Variants in TMEM106A observed in about 807,000 individuals in gnomAD.
TMEM106A encodes transmembrane protein 106A.
A neutral mutation model predicts 25.1 loss-of-function variants in TMEM106A; 22 were observed. The observed-to-expected ratio is 0.88, with a 90% confidence interval of 0.63 to 1.25. The LOEUF (loss-of-function observed/expected upper bound fraction) is 1.25, where lower values mean the gene tolerates loss of function less well. TMEM106A is among the 50% of genes most tolerant of loss of function. The pLI, the probability that TMEM106A is intolerant of heterozygous loss-of-function variation, is 0.00. For missense variants in TMEM106A, 275 were observed against 318.1 expected (o/e 0.86, Z 1.03); for synonymous variants, 104 against 129.9 (o/e 0.80, Z 1.35).
chr17:43,216,764 C>T (rs765008680), intron 7 of TMEM106A, 24 bp downstream of exon 7: 4 of 1,614,128 alleles, frequency 2.5e-6, no homozygotes, highest in Non-Finnish European at 3.4e-6. Flanking sequence ...GATCTCTTCT[C>T]CCCTAGCCAC....
Position 43,219,723 on chromosome 17 carries a change from ACT to A in TMEM106A, c.*1925_*1926del, listed in dbSNP as rs2057520076. The A allele has an allele frequency of 8.8e-6, 1 of 113,370 alleles. No individual in the cohort carries two copies. The highest frequency in any genetic ancestry group is 3.6e-4 in the South Asian group (1 of 2,770). The allele number at this position is 113,370 out of a possible 1,614,324, so 7.0% of individuals were successfully genotyped here. A position where few individuals can be genotyped will look rare whatever the true frequency, so the allele number is the denominator to read the frequency against. ...CTCCAGCCTGGGCAACAAGGGCGAG[ACT>A]CTGTCTCAAAAAAAAAAAAAAAAAA... is the stretch of plus-strand genomic sequence containing the variant. On this transcript the variant is annotated 3_prime_UTR_variant, in exon 9 of 9. Transcript: ENST00000612339.
chr17:43,213,307 T>TG, intron 3 of TMEM106A, 55 bp downstream of exon 3: 1 of 1,596,956 alleles, frequency 6.3e-7, no homozygotes, highest in Non-Finnish European at 8.6e-7. Flanking sequence ...GTTCTTAGCC[T>TG]GTTGGCCTGG....
chr17:43,216,793 C>T (rs368398145), intron 7 of TMEM106A, 53 bp downstream of exon 7: 1 of 1,604,368 alleles, frequency 6.2e-7, no homozygotes, highest in Non-Finnish European at 8.5e-7. Context: ...CTTAGGGACC[C>T]AATTAATACC....
chr17:43,214,787 C>G (rs1206268608), intron 4 of TMEM106A, among the ~76,000 whole-genome samples: 2 of 151,242 alleles, frequency 1.3e-5, no homozygotes, highest in South Asian at 2.1e-4. Flanking sequence ...TGGCGAAACC[C>G]TGTCTCTACT....
Position 43,217,935 on chromosome 17 carries a change from C to A in TMEM106A, c.*134C>A, listed in dbSNP as rs557185480. The A allele has an allele frequency of 4.6e-5, 60 of 1,314,414 alleles. No individual in the cohort carries two copies. The East Asian group carries it at 1.2e-3, about 27-fold the overall frequency. The allele number at this position is 1,314,414 out of a possible 1,614,324, so 81.4% of individuals were successfully genotyped here. A position where few individuals can be genotyped will look rare whatever the true frequency, so the allele number is the denominator to read the frequency against. On this transcript the variant is annotated 3_prime_UTR_variant, in exon 9 of 9. Transcript: ENST00000612339. ...TGCCTCATCACACCCTTACCTCCCA[C>A]CCCCTCAGCACAGGAAGCTTGCTTT...
intron 5 of TMEM106A, 101 bp from the exon 6 acceptor site, chr17:43,216,348 G>T: frequency 6.7e-7 from 1 of 1,483,786 alleles, no homozygotes; most frequent in East Asian, 2.3e-5. Context: ...GCTTGTCATG[G>T]TAGATGGGGC....
chr17:43,217,116 G>A, intron 7 of TMEM106A, 143 bp from the exon 8 acceptor site: 1 of 827,500 alleles, frequency 1.2e-6, no homozygotes. Context: ...AGGGTGGGAA[G>A]GGGTGGGAGT....
rs2057517096 is a variant in TMEM106A at position 43,219,534 on chromosome 17, GT to G, written c.*1736del. The stretch of plus-strand genomic sequence containing the variant: ...GGATCTCTAGAGCCCAGGAATTCAA[GT>G]TTAACATGAGCAGCAACATTAGCAA... On this transcript the variant is annotated 3_prime_UTR_variant, in exon 9 of 9. Coordinates refer to ENST00000612339, the MANE Select transcript of TMEM106A (RefSeq NM_145041.4). 1 of 151,312 alleles carries G rather than the reference GT, an allele frequency of 6.6e-6. No homozygotes were observed. The highest frequency in any genetic ancestry group is 6.6e-5 in the Admixed American group (1 of 15,148). 9.4% of individuals were successfully genotyped at this position (151,312 alleles called of 1,614,324 possible). A position where few individuals can be genotyped will look rare whatever the true frequency, so the allele number is the denominator to read the frequency against.
intron 3 of TMEM106A, among the ~76,000 whole-genome samples, chr17:43,213,455 C>A (rs1384276721): frequency 6.6e-6 from 1 of 152,206 alleles, no homozygotes; most frequent in Non-Finnish European, 1.5e-5. Context: ...TGGTTGTATT[C>A]TCCAGCCCCT....
At position 43,213,822 on chromosome 17, in the gene TMEM106A, C is replaced by T. The variant is rs1172811987; in HGVS notation, c.212-6C>T. ...TGGCCCTCCCTCTCACCTTCTCTCT[C>T]TCTAGAGCTGGAGAAGCAGTTGGTG... On this transcript the variant is annotated splice_region_variant and splice_polypyrimidine_tract_variant and intron_variant, in intron 3 of 8. Transcript: ENST00000612339. 1.2e-6 allele frequency: 2 copies of T among 1,614,182 alleles called. No individual in the cohort carries two copies. The highest frequency in any genetic ancestry group is 1.7e-5 in the Admixed American group (1 of 60,028).
At position 43,217,133 on chromosome 17, in the gene TMEM106A, T is replaced by C. The variant is rs999132365; in HGVS notation, c.615-126T>C. 2.9e-5 allele frequency: 28 copies of C among 971,132 alleles called. No individual in the cohort carries two copies. In the African/African-American group the frequency reaches 4.2e-4, roughly 14 times the overall value. The allele number at this position is 971,132 out of a possible 1,614,324, so 60.2% of individuals were successfully genotyped here. On this transcript the variant is annotated intron_variant, in intron 7 of 8. Transcript: ENST00000612339. Reference sequence around the variant, plus strand: ...GGTGGGAAGGGGTGGGAGTGACATTTTGGGGGCACCTGATGGAAGGAAAGA... The same window carrying C: ...GGTGGGAAGGGGTGGGAGTGACATTCTGGGGGCACCTGATGGAAGGAAAGA...
At chr17:43,212,923 G>T (rs1345345656) in intron 2 of TMEM106A, 98 bp from the exon 3 acceptor site, 10 of 861,606 alleles carry the variant, frequency 1.2e-5, no homozygotes, top group Non-Finnish European at 1.7e-5. Flanking sequence ...CTTAAACTGT[G>T]GTGAAGCTCC....
chr17:43,215,899 C>T lies in TMEM106A; in HGVS notation c.387C>T (p.Ser129=), dbSNP rs2057480627. Residue 129 remains serine (S), a synonymous_variant, in exon 5 of 9, where the codon TCC becomes TCT. Transcript: ENST00000612339. ...TGCAGCCTGCAGGCCTCAACTCCTC[C>T]ACAGTGGCCTTTGATGAGGCTGATA... is the stretch of plus-strand genomic sequence containing the variant. ...VIVQPAGLNS[S]TVAFDEADIY... is the part of the protein sequence containing the mutation. 6.2e-7 allele frequency: 1 copy of T among 1,614,138 alleles called. No individual in the cohort carries two copies. The highest frequency in any genetic ancestry group is 8.5e-7 in the Non-Finnish European group (1 of 1,180,028).
intron 7 of TMEM106A, chr17:43,217,034 GT>G: frequency 1.6e-6 from 1 of 630,482 alleles, no homozygotes; most frequent in South Asian, 1.9e-5. Context: ...CTGAATGGGG[GT>G]CCAGCATGTG....
rs1567876892 is a variant in TMEM106A at position 43,216,590 on chromosome 17, G to A, written c.570+1G>A. ...CATTGGCCCTTTGGCCAGTGAACAG[G>A]TGACTCCCCTCTCCCTGGCCAGCCC... is the stretch of plus-strand genomic sequence containing the variant. On this transcript the variant is annotated splice_donor_variant, in intron 6 of 8. Transcript: ENST00000612339. LOFTEE classifies it high-confidence loss of function. 2 of 1,614,052 alleles carry A rather than the reference G, an allele frequency of 1.2e-6. No homozygotes were observed. Among genetic ancestry groups the A allele is most frequent in the Admixed American group, 1.7e-5 (1 of 60,004 alleles).
In TMEM106A at chr17:43,217,938, C is replaced by A; in HGVS notation, c.*137C>A. The A allele has an allele frequency of 3.9e-6, 5 of 1,287,080 alleles. No homozygotes were observed. Among genetic ancestry groups the A allele is most frequent in the Non-Finnish European group, 5.4e-6 (5 of 925,634 alleles). The allele number at this position is 1,287,080 out of a possible 1,614,324, so 79.7% of individuals were successfully genotyped here. A position where few individuals can be genotyped will look rare whatever the true frequency, so the allele number is the denominator to read the frequency against. ...CTCATCACACCCTTACCTCCCACCC[C>A]CTCAGCACAGGAAGCTTGCTTTGAA... On this transcript the variant is annotated 3_prime_UTR_variant, in exon 9 of 9. Transcript: ENST00000612339.
In TMEM106A at chr17:43,216,925, A is replaced by G. The variant is rs1203036898; in HGVS notation, c.614+185A>G. The G allele has an allele frequency of 4.0e-6, 3 of 743,966 alleles. No individual in the cohort carries two copies. In the East Asian group the frequency reaches 7.7e-5, roughly 19 times the overall value. 46.1% of individuals were successfully genotyped at this position (743,966 alleles called of 1,614,324 possible). A position where few individuals can be genotyped will look rare whatever the true frequency, so the allele number is the denominator to read the frequency against. ...GCCTCTGCTTGTTTGGACCTTGATT[A>G]GAATGAAAAACAGGCTGGAATTTGG... is the stretch of plus-strand genomic sequence containing the variant. On this transcript the variant is annotated intron_variant, in intron 7 of 8. Coordinates refer to ENST00000612339, the MANE Select transcript of TMEM106A (RefSeq NM_145041.4).
rs533248814 is a variant in TMEM106A, at chr17:43,213,943, C to T, written c.275+52C>T. Reference sequence around the variant, plus strand: ...CACAAGCCATTGCCCCTGGGGGCTGCTCCCTTTGTCTCCCCTGTTTTGATC... The same window carrying T: ...CACAAGCCATTGCCCCTGGGGGCTGTTCCCTTTGTCTCCCCTGTTTTGATC... On this transcript the variant is annotated intron_variant, in intron 4 of 8. Transcript: ENST00000612339. 4 of 1,536,864 alleles carry T rather than the reference C, an allele frequency of 2.6e-6. No homozygotes were observed. The African/African-American group carries it at 4.1e-5, about 16-fold the overall frequency.
In TMEM106A at chr17:43,213,897, C is replaced by G. The variant is rs767766912; in HGVS notation, c.275+6C>G. 2 of 1,613,892 alleles carry G rather than the reference C, an allele frequency of 1.2e-6. No individual in the cohort carries two copies. The highest frequency in any genetic ancestry group is 2.2e-5 in the East Asian group (1 of 44,900). ...AGGCTGAAGCCCAAGCACACGTAAG[C>G]CCCCCTTCCTCCCCTAGCTTCACAA... On this transcript the variant is annotated splice_donor_region_variant and intron_variant, in intron 4 of 8. Coordinates refer to ENST00000612339, the MANE Select transcript of TMEM106A (RefSeq NM_145041.4).
Sources: allele counts gnomAD v4.1 joint callset (sites outside exome capture counted in the v4.1 genomes callset), GRCh38; gene constraint gnomAD v4.1.1; transcripts MANE v1.5; gene names NCBI Gene and HGNC (gene_info 2026-07-23, HGNC 2026-07-21).